The following TESK2 variants were observed in gnomAD, a reference collection of about 807,000 sequenced individuals.
TESK2 encodes the protein testis associated actin remodelling kinase 2.
A neutral mutation model predicts 57.1 loss-of-function variants in TESK2; 39 were observed. That is an observed-to-expected ratio of 0.68 (90% CI 0.53 to 0.89). The LOEUF is 0.89. Ranked by LOEUF, TESK2 falls within the 40% of genes least tolerant of loss-of-function variation. The pLI is 0.00. For missense variants in TESK2, 646 were observed against 732.1 expected (o/e 0.88, Z 1.36); for synonymous variants, 249 against 267.9 (o/e 0.93, Z 0.69).
At chr1:45,372,562 G>A (rs767433844) in intron 4 of TESK2, among the ~76,000 whole-genome samples, 1 of 151,024 alleles carries the variant, frequency 6.6e-6, no homozygotes, top group Non-Finnish European at 1.5e-5. Context: ...CTGGGTGACA[G>A]AGCGAGACTG....
intron 2 of TESK2, among the ~76,000 whole-genome samples, chr1:45,455,738 G>C (rs1652062526): frequency 6.6e-6 from 1 of 152,066 alleles, no homozygotes; most frequent in South Asian, 2.1e-4. Flanking sequence ...AAATGGCTAA[G>C]ATGGTAAATT....
intron 4 of TESK2, among the ~76,000 whole-genome samples, chr1:45,371,178 A>T (rs755593849): frequency 3.9e-5 from 6 of 152,148 alleles, no homozygotes; most frequent in Non-Finnish European, 7.4e-5. Context: ...TGCAACTGCT[A>T]CAGAAAAAAA....
At chr1:45,473,922 C>A (rs926131958) in intron 1 of TESK2, among the ~76,000 whole-genome samples, 3 of 151,894 alleles carry the variant, frequency 2.0e-5, no homozygotes, top group African/African-American at 7.3e-5. Context: ...CTCAGCCCCC[C>A]AAAGTGCTAG....
At chr1:45,357,479 G>A (rs1337391084) in intron 4 of TESK2, among the ~76,000 whole-genome samples, 3 of 151,256 alleles carry the variant, frequency 2.0e-5, no homozygotes, top group African/African-American at 4.9e-5. Context: ...TAGCAGATAA[G>A]GTTATGGAGA....
At chr1:45,432,548 G>A (rs1205069793) in intron 2 of TESK2, among the ~76,000 whole-genome samples, 5 of 150,146 alleles carry the variant, frequency 3.3e-5, no homozygotes, top group South Asian at 2.1e-4. Context: ...AAAATTAGCC[G>A]GGCATGGTGG....
At chr1:45,391,776 C>A (rs757864413) in intron 3 of TESK2, among the ~76,000 whole-genome samples, 1 of 152,150 alleles carries the variant, frequency 6.6e-6, no homozygotes. Flanking sequence ...CTACCTCCCA[C>A]AGTATAACTA....
intron 4 of TESK2, among the ~76,000 whole-genome samples, chr1:45,361,485 C>A (rs1473280439): frequency 6.6e-6 from 1 of 152,026 alleles, no homozygotes; most frequent in Non-Finnish European, 1.5e-5. Flanking sequence ...TGGCTGTTAC[C>A]TTTTTCTATA....
In TESK2 at chr1:45,483,111, C is replaced by T. The variant is rs779398833; in HGVS notation, c.-87+7741G>A. Among the ~76,000 whole-genome samples the T allele has an allele frequency of 2.9e-4, 44 of 150,742 alleles. 1 individual carries two copies. The Middle Eastern group carries it at 0.034, about 117-fold the overall frequency. On this transcript the variant is annotated intron_variant, in intron 1 of 10. Transcript: ENST00000372086. ...TGGCTAACACGGCGAAACCCCATCT[C>T]TACTAAAAATACAAAAAAAATTAGC...
chr1:45,453,951 A>C (rs1434241883), intron 2 of TESK2, among the ~76,000 whole-genome samples: 1 of 152,164 alleles, frequency 6.6e-6, no homozygotes, highest in Non-Finnish European at 1.5e-5. Context: ...GAAAAATGCA[A>C]ATCAAAACCA....
intron 1 of TESK2, among the ~76,000 whole-genome samples, chr1:45,473,413 C>T (rs886988768): frequency 2.6e-5 from 4 of 152,078 alleles, no homozygotes; most frequent in African/African-American, 4.8e-5. Context: ...TGACAAAAAC[C>T]ACAATTACTT....
intron 3 of TESK2, among the ~76,000 whole-genome samples, chr1:45,394,552 T>A (rs1424881332): frequency 6.6e-6 from 1 of 151,938 alleles, no homozygotes; most frequent in East Asian, 1.9e-4. Flanking sequence ...CCTAAGAATC[T>A]GAATTTCTAA....
chr1:45,443,821 T>C (rs1651544219), intron 2 of TESK2, among the ~76,000 whole-genome samples: 1 of 152,118 alleles, frequency 6.6e-6, no homozygotes, highest in African/African-American at 2.4e-5. Context: ...CACCTACCGG[T>C]GCACTACAGC....
At chr1:45,381,751 T>G (rs1490285643) in intron 4 of TESK2, among the ~76,000 whole-genome samples, 1 of 151,964 alleles carries the variant, frequency 6.6e-6, no homozygotes, top group Non-Finnish European at 1.5e-5. Context: ...AGAATTATAT[T>G]TTCTGTTAAA....
chr1:45,398,983 GAAAAAAAAA>G (rs372886401), intron 3 of TESK2: 18 of 236,672 alleles, frequency 7.6e-5, no homozygotes, highest in East Asian at 2.5e-4. Flanking sequence ...ACTAGGACCT[GAAAAAAAAA>G]AAAAAAAAAA....
intron 9 of TESK2, 125 bp from the exon 10 acceptor site, chr1:45,346,119 C>G: frequency 1.3e-6 from 1 of 742,820 alleles, no homozygotes; most frequent in Non-Finnish European, 2.3e-6. Context: ...TCTAAAGGCC[C>G]CAGACAATGA....
At position 45,482,119 on chromosome 1, in the gene TESK2, T is replaced by C. The variant is rs1653251588; in HGVS notation, c.-87+8733A>G. 2.6e-5 allele frequency among the ~76,000 whole-genome samples: 4 copies of C among 152,352 alleles called. No homozygotes were observed. The South Asian group carries it at 8.3e-4, about 32-fold the overall frequency. On this transcript the variant is annotated intron_variant, in intron 1 of 10. Transcript: ENST00000372086. ...AAAGTGATCTCTCAAGGTTCGTGCA[T>C]ATTTTTCATCATGCTTAGTGCAATA...
At chr1:45,486,918 G>C (rs1653507239) in intron 1 of TESK2, among the ~76,000 whole-genome samples, 1 of 151,292 alleles carries the variant, frequency 6.6e-6, no homozygotes, top group South Asian at 2.1e-4. Flanking sequence ...CACCACCCGG[G>C]TTCAAGCGAT....
intron 1 of TESK2, among the ~76,000 whole-genome samples, chr1:45,467,769 T>C (rs1247369156): frequency 1.3e-5 from 2 of 152,178 alleles, no homozygotes; most frequent in Non-Finnish European, 2.9e-5. Context: ...AAACTTTTAT[T>C]CTGCTAAATT....
intron 3 of TESK2, among the ~76,000 whole-genome samples, chr1:45,411,506 G>A (rs2149283657): frequency 6.6e-6 from 1 of 152,258 alleles, no homozygotes; most frequent in South Asian, 2.1e-4. Context: ...GCAGAGCTCA[G>A]GCAGCAATGC....
Sources: allele counts gnomAD v4.1 joint callset (sites outside exome capture counted in the v4.1 genomes callset), GRCh38; gene constraint gnomAD v4.1.1; transcripts MANE v1.5; gene names NCBI Gene and HGNC (gene_info 2026-07-23, HGNC 2026-07-21).